Variants in C4orf17 observed in about 807,000 individuals in gnomAD.
C4orf17 encodes uncharacterized protein C4orf17.
In C4orf17, 25 loss-of-function variants were observed where a neutral mutation model predicts 32.0. That is an observed-to-expected ratio of 0.78 (90% CI 0.57 to 1.09). The LOEUF is 1.09. Ranked by LOEUF, C4orf17 falls within the 50% of genes least tolerant of loss-of-function variation. The pLI, the probability that C4orf17 is intolerant of heterozygous loss-of-function variation, is 0.00. For synonymous variants in C4orf17, 149 were observed against 145.8 expected (o/e 1.02, Z -0.16); for missense variants, 420 against 420.0 (o/e 1.00, Z 0.00).
At position 99,518,572 on chromosome 4, in the gene C4orf17, G is replaced by C. The variant is rs1315560374; in HGVS notation, c.128-3928G>C. Among the ~76,000 whole-genome samples, 67 of 126,882 alleles carry C rather than the reference G, an allele frequency of 5.3e-4. 3 individuals carry two copies. Among genetic ancestry groups the C allele is most frequent in the Middle Eastern group, 4.0e-3 (1 of 252 alleles). The allele number at this position is 126,882 out of a possible 152,430, so 83.2% of individuals were successfully genotyped here. A position where few individuals can be genotyped will look rare whatever the true frequency, so the allele number is the denominator to read the frequency against. On this transcript the variant is annotated intron_variant, in intron 2 of 8. Coordinates refer to ENST00000326581, the MANE Select transcript of C4orf17 (RefSeq NM_032149.3). The stretch of plus-strand genomic sequence containing the variant: ...AGAGAGAGAGAGAGAGAGAGAGAGA[G>C]AGAGAGAGAGAGGGAGGGAGACAGA...
At chr4:99,517,471 T>C (rs74741645) in intron 2 of C4orf17, among the ~76,000 whole-genome samples, 3,593 of 152,230 alleles carry the variant, frequency 0.024, 80 homozygotes, top group Non-Finnish European at 0.037. Flanking sequence ...TTGACAGATA[T>C]CCACTACACT....
intron 4 of C4orf17, among the ~76,000 whole-genome samples, chr4:99,524,838 C>T (rs1467919855): frequency 2.0e-5 from 3 of 152,218 alleles, no homozygotes; most frequent in South Asian, 2.1e-4. Flanking sequence ...AGTTTTCTCA[C>T]GATTCTGGCC....
chr4:99,521,272 C>T lies in C4orf17; in HGVS notation c.128-1228C>T, dbSNP rs562006385. On this transcript the variant is annotated intron_variant, in intron 2 of 8. Transcript: ENST00000326581. ...TCTGTAATCCCAGCTACTCAGGAGGCTGAGGCAGGATAATCACTTGAGCCT... is the reference window on the plus strand; with the variant it reads ...TCTGTAATCCCAGCTACTCAGGAGGTTGAGGCAGGATAATCACTTGAGCCT... Among the ~76,000 whole-genome samples the T allele has an allele frequency of 2.6e-5, 4 of 152,010 alleles. 1 individual carries two copies. Among genetic ancestry groups the T allele is most frequent in the African/African-American group, 9.7e-5 (4 of 41,442 alleles).
intron 2 of C4orf17, among the ~76,000 whole-genome samples, chr4:99,515,390 T>C (rs766240802): frequency 1.4e-4 from 21 of 152,110 alleles, no homozygotes; most frequent in Non-Finnish European, 2.8e-4. Flanking sequence ...ATCATGTCCT[T>C]TGTAGGGATA....
In C4orf17 at chr4:99,518,507, AAAAAAAAAAAAATATAT is replaced by A. The variant is rs1212162657; in HGVS notation, c.128-3991_128-3975del. 2.8e-4 allele frequency among the ~76,000 whole-genome samples: 21 copies of A among 73,998 alleles called. 1 individual carries two copies. Among genetic ancestry groups the A allele is most frequent in the African/African-American group, 1.6e-3 (19 of 11,792 alleles). 48.5% of individuals were successfully genotyped at this position (73,998 alleles called of 152,430 possible). ...CTTTAAAAAAAAAAAAAAAAAAAAA[AAAAAAAAAAAAATATAT>A]ATATATATATATATATATATAGAGA... On this transcript the variant is annotated intron_variant, in intron 2 of 8. Transcript: ENST00000326581.
chr4:99,533,684 G>A (rs972300790), intron 5 of C4orf17, among the ~76,000 whole-genome samples: 10 of 152,192 alleles, frequency 6.6e-5, no homozygotes, highest in African/African-American at 2.2e-4. Context: ...CCAATATGAA[G>A]CCTCACAGGT....
At chr4:99,521,658 G>A (rs1418580342) in intron 2 of C4orf17, among the ~76,000 whole-genome samples, 2 of 152,242 alleles carry the variant, frequency 1.3e-5, no homozygotes, top group East Asian at 3.9e-4. Context: ...GAGAGATTTG[G>A]AAAAATGAGC....
At chr4:99,537,061 G>C (rs542698013) in intron 5 of C4orf17, among the ~76,000 whole-genome samples, 4 of 151,990 alleles carry the variant, frequency 2.6e-5, no homozygotes, top group Middle Eastern at 6.8e-3. Context: ...ACTAACCTTT[G>C]ACCCAGATGG....
At chr4:99,540,299 G>A in intron 7 of C4orf17, 113 bp from the exon 8 acceptor site, 2 of 630,832 alleles carry the variant, frequency 3.2e-6, no homozygotes, top group Non-Finnish European at 5.5e-6. Flanking sequence ...CAAAGAATTG[G>A]GGTAGCATAT....
At chr4:99,538,875 C>T (rs1479397450) in intron 6 of C4orf17, among the ~76,000 whole-genome samples, 1 of 152,154 alleles carries the variant, frequency 6.6e-6, no homozygotes, top group Admixed American at 6.5e-5. Context: ...TGGCAGCAGC[C>T]TGTAAGACTG....
chr4:99,530,993 T>A (rs1360037833), intron 5 of C4orf17, among the ~76,000 whole-genome samples: 3 of 152,080 alleles, frequency 2.0e-5, no homozygotes, highest in African/African-American at 7.2e-5. Context: ...AGAATTATCT[T>A]TCTCTTTATT....
At chr4:99,528,818 C>G (rs950632395) in intron 4 of C4orf17, among the ~76,000 whole-genome samples, 9 of 152,100 alleles carry the variant, frequency 5.9e-5, no homozygotes, top group African/African-American at 2.2e-4. Context: ...TCAATTAACT[C>G]CACCAGATCC....
intron 4 of C4orf17, among the ~76,000 whole-genome samples, chr4:99,527,686 TC>T (rs1464985166): frequency 6.6e-6 from 1 of 152,200 alleles, no homozygotes; most frequent in Non-Finnish European, 1.5e-5. Flanking sequence ...TCACTTGCCC[TC>T]CCACTGCTCA....
intron 3 of C4orf17, among the ~76,000 whole-genome samples, chr4:99,523,976 C>CTTTT (rs34303512): frequency 2.6e-5 from 3 of 114,092 alleles, no homozygotes; most frequent in African/African-American, 3.5e-5. Flanking sequence ...AAAATATATA[C>CTTTT]TTTTTTTTTT....
chr4:99,527,451 G>C (rs1445413555), intron 4 of C4orf17, among the ~76,000 whole-genome samples: 2 of 152,166 alleles, frequency 1.3e-5, no homozygotes, highest in African/African-American at 4.8e-5. Context: ...TACAGCAGCA[G>C]CTCCCAAACT....
At chr4:99,520,055 T>TA (rs1431906062) in intron 2 of C4orf17, among the ~76,000 whole-genome samples, 1 of 151,530 alleles carries the variant, frequency 6.6e-6, no homozygotes, top group Non-Finnish European at 1.5e-5. Flanking sequence ...TTTCACAACC[T>TA]ACATGTGGGA....
At chr4:99,536,783 G>C (rs535306266) in intron 5 of C4orf17, among the ~76,000 whole-genome samples, 1 of 152,182 alleles carries the variant, frequency 6.6e-6, no homozygotes, top group African/African-American at 2.4e-5. Context: ...CCAAAAGTAT[G>C]TTCCTACTAG....
chr4:99,527,252 A>T (rs772931230), intron 4 of C4orf17, among the ~76,000 whole-genome samples: 1 of 152,202 alleles, frequency 6.6e-6, no homozygotes, highest in Non-Finnish European at 1.5e-5. Flanking sequence ...CATTGTAGTC[A>T]GAGAACACAC....
chr4:99,516,336 G>A (rs1366542074), intron 2 of C4orf17, among the ~76,000 whole-genome samples: 1 of 152,184 alleles, frequency 6.6e-6, no homozygotes, highest in African/African-American at 2.4e-5. Context: ...GCTGCCCACA[G>A]TCCCAAACCT....
Sources: allele counts gnomAD v4.1 joint callset (sites outside exome capture counted in the v4.1 genomes callset), GRCh38; gene constraint gnomAD v4.1.1; transcripts MANE v1.5; gene names NCBI Gene and HGNC (gene_info 2026-07-23, HGNC 2026-07-21).